Variants in MAP4K4 observed in about 807,000 individuals in gnomAD.
The protein encoded by MAP4K4 is mitogen-activated protein kinase kinase kinase kinase 4.
MAP4K4 carries 38 observed loss-of-function variants against 189.6 expected under a neutral mutation model. The ratio of observed to expected loss-of-function variants is 0.20; its 90% CI spans 0.15 to 0.26. The LOEUF (loss-of-function observed/expected upper bound fraction) is 0.26, where lower values mean the gene tolerates loss of function less well. Ranked by LOEUF, MAP4K4 falls within the 10% of genes least tolerant of loss-of-function variation. The pLI is 1.00. For missense variants in MAP4K4, 1,054 were observed against 1,726.9 expected, an observed-to-expected ratio of 0.61 and a Z score of 6.91; for synonymous variants, 610 against 624.3, an observed-to-expected ratio of 0.98 and a Z score of 0.34.
At chr2:101,713,002 C>G (rs891965190) in intron 2 of MAP4K4, among the ~76,000 whole-genome samples, 1 of 150,662 alleles carries the variant, frequency 6.6e-6, no homozygotes, top group Admixed American at 6.6e-5. Context: ...CTCCCAGATT[C>G]AGGCAGTTCT....
At chr2:101,852,270 C>T (rs1056512551) in intron 12 of MAP4K4, among the ~76,000 whole-genome samples, 8 of 151,962 alleles carry the variant, frequency 5.3e-5, no homozygotes, top group African/African-American at 1.7e-4. Flanking sequence ...GACCTAGAGA[C>T]CTAAATGGAT....
rs527550823 is a variant in MAP4K4, at chr2:101,859,364, T to C, written c.1483-279T>C. Among the ~76,000 whole-genome samples the C allele has an allele frequency of 3.9e-5, 6 of 152,320 alleles. No homozygotes were observed. The South Asian group carries it at 8.3e-4, about 21-fold the overall frequency. On this transcript the variant is annotated intron_variant, in intron 14 of 32. Transcript: ENST00000324219. ...ACACTAGAATGCTGAGGGCAGTAGG[T>C]TGAAAGCACATGTCACAGGATTTTT...
intron 2 of MAP4K4, among the ~76,000 whole-genome samples, chr2:101,715,865 C>G (rs1310650888): frequency 1.3e-5 from 2 of 152,154 alleles, no homozygotes. Context: ...TAGCCGCTCC[C>G]CATTGGTTGC....
At chr2:101,873,830 G>A in intron 25 of MAP4K4, 66 bp downstream of exon 25, 1 of 1,182,802 alleles carries the variant, frequency 8.5e-7, no homozygotes, top group Admixed American at 2.0e-5. Context: ...GCTCTTTTGG[G>A]TGGCTTAGGT....
At chr2:101,706,303 T>C (rs1255412640) in intron 2 of MAP4K4, among the ~76,000 whole-genome samples, 1 of 152,246 alleles carries the variant, frequency 6.6e-6, no homozygotes, top group African/African-American at 2.4e-5. Context: ...CAATAGTAGT[T>C]GAATATTTAA....
At chr2:101,865,906 A>G (rs1278751931) in intron 18 of MAP4K4, among the ~76,000 whole-genome samples, 2 of 152,104 alleles carry the variant, frequency 1.3e-5, no homozygotes, top group Non-Finnish European at 2.9e-5. Flanking sequence ...ATTAATTCTT[A>G]CCTAGCACAT....
intron 14 of MAP4K4, 31 bp downstream of exon 14, chr2:101,859,113 C>T: frequency 6.3e-7 from 1 of 1,577,366 alleles, no homozygotes; most frequent in Non-Finnish European, 8.7e-7. Context: ...CATTCTGTAG[C>T]ATCAGGGCTC....
intron 3 of MAP4K4, among the ~76,000 whole-genome samples, chr2:101,804,209 T>G (rs753063016): frequency 1.3e-5 from 2 of 152,188 alleles, no homozygotes; most frequent in Admixed American, 6.5e-5. Context: ...AGATTATATT[T>G]TGGCTGTAAT....
intron 2 of MAP4K4, among the ~76,000 whole-genome samples, chr2:101,757,099 T>G (rs1332769531): frequency 6.6e-6 from 1 of 152,168 alleles, no homozygotes; most frequent in Non-Finnish European, 1.5e-5. Context: ...TGTGTACCTT[T>G]GGAGTAAGGG....
At chr2:101,810,479 C>T (rs1436682292) in intron 3 of MAP4K4, among the ~76,000 whole-genome samples, 5 of 152,146 alleles carry the variant, frequency 3.3e-5, no homozygotes, top group African/African-American at 9.6e-5. Flanking sequence ...TAGATTGGCT[C>T]TTATTTTTAT....
chr2:101,779,201 G>A (rs1012260454), intron 2 of MAP4K4, among the ~76,000 whole-genome samples: 1 of 151,972 alleles, frequency 6.6e-6, no homozygotes, highest in African/African-American at 2.4e-5. Context: ...TTTATTGATA[G>A]GGAGGAGGAG....
intron 12 of MAP4K4, among the ~76,000 whole-genome samples, chr2:101,850,177 T>C (rs761944301): frequency 4.0e-5 from 6 of 151,296 alleles, no homozygotes; most frequent in Non-Finnish European, 8.9e-5. Context: ...GGACACAGAG[T>C]AACATTTATT....
intron 5 of MAP4K4, among the ~76,000 whole-genome samples, chr2:101,825,770 T>C (rs1559089258): frequency 6.6e-6 from 1 of 152,308 alleles, no homozygotes; most frequent in Middle Eastern, 3.4e-3. Context: ...TTAAAGGAAT[T>C]CTGTGTTTAA....
chr2:101,731,775 A>T (rs1574454328), intron 2 of MAP4K4, among the ~76,000 whole-genome samples: 1 of 149,944 alleles, frequency 6.7e-6, no homozygotes. Flanking sequence ...AAAAAGATGG[A>T]GGGGAGGGGT....
intron 2 of MAP4K4, among the ~76,000 whole-genome samples, chr2:101,706,822 G>T (rs983905716): frequency 1.3e-5 from 2 of 152,156 alleles, no homozygotes; most frequent in Admixed American, 6.5e-5. Context: ...AAAAGAAAGG[G>T]TATATGGGTA....
chr2:101,887,377 A>G (rs765492276), intron 30 of MAP4K4, 140 bp downstream of exon 30: 10 of 778,292 alleles, frequency 1.3e-5, no homozygotes, highest in East Asian at 3.0e-5. Context: ...ATGATACGCA[A>G]TTTTCAATAG....
intron 2 of MAP4K4, among the ~76,000 whole-genome samples, chr2:101,729,392 A>G (rs2057386719): frequency 1.3e-5 from 2 of 152,134 alleles, no homozygotes; most frequent in South Asian, 4.1e-4. Flanking sequence ...AGTGCATCAC[A>G]TATGCTAAGA....
At chr2:101,724,862 A>G (rs536014962) in intron 2 of MAP4K4, among the ~76,000 whole-genome samples, 2 of 152,210 alleles carry the variant, frequency 1.3e-5, no homozygotes, top group Non-Finnish European at 2.9e-5. Flanking sequence ...TTAATCCATG[A>G]TGTACCTAAA....
intron 2 of MAP4K4, among the ~76,000 whole-genome samples, chr2:101,769,535 G>A (rs1187847764): frequency 1.3e-5 from 2 of 152,070 alleles, no homozygotes; most frequent in Non-Finnish European, 2.9e-5. Context: ...ATGTTTGGAT[G>A]CTAAGCCATA....
Sources: gnomAD v4.1 joint callset for allele counts (sites outside exome capture counted in the v4.1 genomes callset) on GRCh38, gnomAD v4.1.1 for gene constraint, MANE v1.5 for transcripts, NCBI Gene and HGNC (gene_info 2026-07-23, HGNC 2026-07-21) for gene names.